Variants in DOCK2 observed in about 807,000 individuals in gnomAD.
The protein encoded by DOCK2 is dedicator of cytokinesis protein 2.
DOCK2 carries 87 observed loss-of-function variants against 248.9 expected under a neutral mutation model. That is an observed-to-expected ratio of 0.35 (90% CI 0.29 to 0.42). The LOEUF (loss-of-function observed/expected upper bound fraction) is 0.42. Ranked by LOEUF, DOCK2 falls within the 10% of genes least tolerant of loss-of-function variation. The pLI is 1.00. For synonymous variants in DOCK2, 805 were observed against 821.6 expected (o/e 0.98, Z 0.35); for missense variants, 1,747 against 2,300.2 (o/e 0.76, Z 4.92).
chr5:169,979,432 A>G (rs1179591851), intron 27 of DOCK2, among the ~76,000 whole-genome samples: 1 of 152,214 alleles, frequency 6.6e-6, no homozygotes. Flanking sequence ...CACATCAGAG[A>G]AGCAAAATGT....
At chr5:169,674,187 G>A in intron 5 of DOCK2, 110 bp from the exon 6 acceptor site, 1 of 1,344,168 alleles carries the variant, frequency 7.4e-7, no homozygotes, top group Non-Finnish European at 1.0e-6. Context: ...CAGGGAGAGA[G>A]CCTCAGGCCA....
intron 29 of DOCK2, among the ~76,000 whole-genome samples, chr5:169,990,603 T>C (rs1778180915): frequency 6.6e-6 from 1 of 152,120 alleles, no homozygotes; most frequent in South Asian, 2.1e-4. Flanking sequence ...CCATGGAGCA[T>C]TTTGTGTGTT....
chr5:169,789,835 A>G (rs1178383103), intron 25 of DOCK2, among the ~76,000 whole-genome samples: 1 of 152,264 alleles, frequency 6.6e-6, no homozygotes, highest in Non-Finnish European at 1.5e-5. Flanking sequence ...AAACCAGGCC[A>G]GCGGATAAAT....
At position 169,681,847 on chromosome 5, in the gene DOCK2, G is replaced by A. The variant is rs1202967632; in HGVS notation, c.574G>A (p.Asp192Asn). 2 of 1,613,770 alleles carry A rather than the reference G, an allele frequency of 1.2e-6. No homozygotes were observed. The highest frequency in any genetic ancestry group is 2.7e-5 in the African/African-American group (2 of 74,928). Reference protein sequence around the residue: ...SLFHAHEEATDKITERIKEEM... With the variant: ...SLFHAHEEATNKITERIKEEM... ...GTTCCATGCACATGAGGAAGCAACTGATAAAATCACAGAGCGTATCAAAGA... is the reference window on the plus strand; with the variant it reads ...GTTCCATGCACATGAGGAAGCAACTAATAAAATCACAGAGCGTATCAAAGA... Residue 192 changes from aspartate to asparagine, a missense_variant, in exon 7 of 52, where the codon GAT becomes AAT. Physicochemically the swap from Asp to Asn is conservative, Grantham distance 23 (BLOSUM62 1). This residue lies in a region of DOCK2 where 375 missense variants were observed against 510.9 expected (regional missense o/e 0.73). Transcript: ENST00000520908.
intron 27 of DOCK2, among the ~76,000 whole-genome samples, chr5:169,898,567 C>G (rs1474296418): frequency 6.6e-6 from 1 of 151,616 alleles, no homozygotes; most frequent in African/African-American, 2.4e-5. Flanking sequence ...ACAACACACA[C>G]CGGATTGCAG....
chr5:169,647,199 AT>A (rs1334566300), intron 1 of DOCK2, among the ~76,000 whole-genome samples: 9 of 152,188 alleles, frequency 5.9e-5, no homozygotes, highest in African/African-American at 1.9e-4. Flanking sequence ...TGGCAGGGCC[AT>A]GTCTGTTGTT....
chr5:169,795,420 C>A (rs757974004), intron 25 of DOCK2, among the ~76,000 whole-genome samples: 2 of 152,064 alleles, frequency 1.3e-5, no homozygotes, highest in African/African-American at 2.4e-5. Flanking sequence ...GCGCCGGAGG[C>A]TCGCCAGAGG....
intron 39 of DOCK2, among the ~76,000 whole-genome samples, chr5:170,046,398 C>G (rs1175762762): frequency 1.3e-5 from 2 of 152,150 alleles, no homozygotes; most frequent in Non-Finnish European, 2.9e-5. Flanking sequence ...ACTGCAGAAG[C>G]CTGGGTTTGG....
At chr5:169,679,968 A>G (rs1322100348) in intron 6 of DOCK2, among the ~76,000 whole-genome samples, 1 of 151,994 alleles carries the variant, frequency 6.6e-6, no homozygotes, top group Non-Finnish European at 1.5e-5. Flanking sequence ...CATCAGCCCC[A>G]CCTCCTCCTA....
At position 169,710,118 on chromosome 5, in the gene DOCK2, T is replaced by C. The variant is rs1581074812; in HGVS notation, c.1483-1817T>C. On this transcript the variant is annotated intron_variant, in intron 15 of 51. Coordinates refer to ENST00000520908, the MANE Select transcript of DOCK2 (RefSeq NM_004946.3). ...CAGTCATGAACATACTGGAGGGACATAGAGTGACAGAAAAACTTCTTTAGC... is the reference window on the plus strand; with the variant it reads ...CAGTCATGAACATACTGGAGGGACACAGAGTGACAGAAAAACTTCTTTAGC... Among the ~76,000 whole-genome samples the C allele has an allele frequency of 3.3e-5, 5 of 152,218 alleles. No individual in the cohort carries two copies. The South Asian group carries it at 1.0e-3, about 32-fold the overall frequency.
chr5:169,797,775 G>T (rs1447716290), intron 25 of DOCK2, among the ~76,000 whole-genome samples: 1 of 152,202 alleles, frequency 6.6e-6, no homozygotes, highest in Non-Finnish European at 1.5e-5. Context: ...ATTTCAGGGT[G>T]TGAACTATTT....
chr5:170,037,902 T>C (rs1756376745), intron 36 of DOCK2, among the ~76,000 whole-genome samples: 1 of 152,232 alleles, frequency 6.6e-6, no homozygotes, highest in Non-Finnish European at 1.5e-5. Context: ...TTTTGTCACA[T>C]TCTGTCAGAG....
intron 26 of DOCK2, among the ~76,000 whole-genome samples, chr5:169,827,090 A>AC (rs972137041): frequency 5.3e-5 from 8 of 152,174 alleles, no homozygotes; most frequent in Non-Finnish European, 8.8e-5. Context: ...GAGTCTCATC[A>AC]CCAGAGACTT....
chr5:169,987,039 A>G (rs1778084829), intron 29 of DOCK2, among the ~76,000 whole-genome samples: 1 of 152,218 alleles, frequency 6.6e-6, no homozygotes, highest in Non-Finnish European at 1.5e-5. Context: ...AAGAGCCCTG[A>G]GGTGTGGCTT....
chr5:169,811,842 C>G (rs1333148665), intron 26 of DOCK2, among the ~76,000 whole-genome samples: 2 of 152,252 alleles, frequency 1.3e-5, no homozygotes, highest in Non-Finnish European at 2.9e-5. Context: ...TCTGCATCTA[C>G]ACATCGCCAG....
chr5:170,040,690 G>GCGACCCAGAGAGGTGCCCAGTTGTTCTC lies in DOCK2; in HGVS notation c.3666-365_3666-364insCGACCCAGAGAGGTGCCCAGTTGTTCTC, dbSNP rs1554127833. On this transcript the variant is annotated intron_variant, in intron 36 of 51. Transcript: ENST00000520908. ...TCTCCTTCCTTTATTTCTCTTGCTT[G>GCGACCCAGAGAGGTGCCCAGTTGTTCTC]TCATATTGCATTGGCCAGACCATTC... is the stretch of plus-strand genomic sequence containing the variant. 7 of 196,386 alleles carry GCGACCCAGAGAGGTGCCCAGTTGTTCTC rather than the reference G, an allele frequency of 3.6e-5. 1 individual carries two copies. Among genetic ancestry groups the GCGACCCAGAGAGGTGCCCAGTTGTTCTC allele is most frequent in the African/African-American group, 1.1e-4 (4 of 37,950 alleles). The allele number at this position is 196,386 out of a possible 1,614,324, so 12.2% of individuals were successfully genotyped here.
intron 10 of DOCK2, among the ~76,000 whole-genome samples, chr5:169,696,812 C>T (rs1312295327): frequency 6.6e-6 from 1 of 151,268 alleles, no homozygotes; most frequent in African/African-American, 2.4e-5. Flanking sequence ...GGATGTTTTA[C>T]TGAGCTCACT....
intron 25 of DOCK2, among the ~76,000 whole-genome samples, chr5:169,795,425 C>T (rs1414709387): frequency 6.6e-6 from 1 of 152,082 alleles, no homozygotes; most frequent in African/African-American, 2.4e-5. Flanking sequence ...GGAGGCTCGC[C>T]AGAGGGCTGC....
chr5:169,843,871 G>T (rs1354072439), intron 27 of DOCK2, among the ~76,000 whole-genome samples: 1 of 152,138 alleles, frequency 6.6e-6, no homozygotes, highest in Non-Finnish European at 1.5e-5. Context: ...CATATTTTAG[G>T]ATATATCAGT....
Sources: allele counts gnomAD v4.1 joint callset (sites outside exome capture counted in the v4.1 genomes callset), GRCh38; gene constraint gnomAD v4.1.1; regional missense constraint gnomAD v4.1.1; transcripts MANE v1.5; gene names NCBI Gene and HGNC (gene_info 2026-07-23, HGNC 2026-07-21).